The following CDCA5 variants were observed in gnomAD, a reference collection of about 807,000 sequenced individuals.
CDCA5 encodes the protein cell division cycle associated 5.
A neutral mutation model predicts 25.7 loss-of-function variants in CDCA5; 14 were observed. The observed-to-expected ratio is 0.54, with a 90% confidence interval of 0.36 to 0.85. The LOEUF is 0.85. Ranked by LOEUF, CDCA5 falls within the 40% of genes least tolerant of loss-of-function variation. The probability of loss-of-function intolerance (pLI) is 0.01; values close to 1 mark genes in which losing one functional copy is unlikely to be tolerated. For synonymous variants in CDCA5, 127 were observed against 128.7 expected, an observed-to-expected ratio of 0.99 and a Z score of 0.09; for missense variants, 307 against 324.5, an observed-to-expected ratio of 0.95 and a Z score of 0.41.
At chr11:65,068,667 G>C in intron 1 of CDCA5, 2 of 1,066,076 alleles carry the variant, frequency 1.9e-6, no homozygotes, top group Non-Finnish European at 2.5e-6. Flanking sequence ...TTCTAGCCTG[G>C]TCTGGTTTTT....
At chr11:65,069,235 CAAAAA>C (rs538955897) in intron 1 of CDCA5, among the ~76,000 whole-genome samples, 1 of 85,928 alleles carries the variant, frequency 1.2e-5, no homozygotes. Context: ...GCGAGACTCT[CAAAAA>C]AAAAAAAAAA....
Position 65,069,410 on chromosome 11 carries a change from C to G in CDCA5, c.64-809G>C, listed in dbSNP as rs562596774. Among the ~76,000 whole-genome samples the G allele has an allele frequency of 2.2e-5, 3 of 134,912 alleles. No individual in the cohort carries two copies. In the East Asian group the frequency reaches 6.8e-4, roughly 31 times the overall value. 88.5% of individuals were successfully genotyped at this position (134,912 alleles called of 152,430 possible). A position where few individuals can be genotyped will look rare whatever the true frequency, so the allele number is the denominator to read the frequency against. ...TGGACTTGTGGCAGGGGGCTTGTGGCCTGGGCTTGTGGCTGTGTTATATTG... is the reference window on the plus strand; with the variant it reads ...TGGACTTGTGGCAGGGGGCTTGTGGGCTGGGCTTGTGGCTGTGTTATATTG... On this transcript the variant is annotated intron_variant, in intron 1 of 6. Coordinates refer to the CDCA5 transcript ENST00000525464.
chr11:65,069,538 C>T (rs527601625), intron 1 of CDCA5, among the ~76,000 whole-genome samples: 3 of 152,254 alleles, frequency 2.0e-5, no homozygotes, highest in Admixed American at 6.5e-5. Context: ...AGAGCTCCAG[C>T]GTGGTATGGC....
downstream of CDCA5, among the ~76,000 whole-genome samples, chr11:65,063,620 AT>A (rs1248140479): frequency 6.6e-6 from 1 of 152,200 alleles, no homozygotes; most frequent in Non-Finnish European, 1.5e-5. Context: ...TCACGAAGCT[AT>A]CCCACCTGCC....
chr11:65,080,758 G>A (rs1186288587), intron 4 of CDCA5, among the ~76,000 whole-genome samples: 1 of 152,172 alleles, frequency 6.6e-6, no homozygotes, highest in Non-Finnish European at 1.5e-5. Context: ...TCAGTCACCT[G>A]TCCTGTGCCA....
chr11:65,067,979 G>T, intron 3 of CDCA5: 1 of 1,212,590 alleles, frequency 8.2e-7, no homozygotes, highest in Non-Finnish European at 1.1e-6. Context: ...GCCTGCATGT[G>T]CCTGCATGGG....
intron 3 of CDCA5, chr11:65,067,951 T>TC (rs1356426076): frequency 5.8e-6 from 6 of 1,042,696 alleles, no homozygotes; most frequent in African/African-American, 1.6e-5. Context: ...ACCATCCACC[T>TC]CCCCCAGTTT....
exon 4 of CDCA5, chr11:65,067,679 C>T (rs1179482569): frequency 1.4e-5 from 18 of 1,289,798 alleles, no homozygotes; most frequent in Non-Finnish European, 1.6e-5. Context: ...CTGCAACTGC[C>T]TGATCTCCTT....
chr11:65,075,936 T>A (rs1947435815), downstream of CDCA5, among the ~76,000 whole-genome samples: 1 of 152,152 alleles, frequency 6.6e-6, no homozygotes, highest in South Asian at 2.1e-4. Flanking sequence ...AAAGAGGGTG[T>A]CCTGGCAGAG....
chr11:65,065,370 C>T (rs1234225157), downstream of CDCA5, among the ~76,000 whole-genome samples: 5 of 152,130 alleles, frequency 3.3e-5, no homozygotes, highest in Admixed American at 3.3e-4. Flanking sequence ...GCGCTGAAAC[C>T]TCAGCCTCCC....
intron 4 of CDCA5, among the ~76,000 whole-genome samples, chr11:65,080,847 G>A (rs1367554983): frequency 6.6e-6 from 1 of 152,222 alleles, no homozygotes; most frequent in East Asian, 1.9e-4. Context: ...AGAAAATTCA[G>A]TATTATGTTA....
At chr11:65,080,957 C>G (rs1947552498) in intron 4 of CDCA5, among the ~76,000 whole-genome samples, 1 of 152,188 alleles carries the variant, frequency 6.6e-6, no homozygotes, top group African/African-American at 2.4e-5. Context: ...ACTGAGGTGA[C>G]ATTCAAGCTA....
At chr11:65,073,580 C>T (rs1947382856), downstream of CDCA5, among the ~76,000 whole-genome samples, 1 of 152,218 alleles carries the variant, frequency 6.6e-6, no homozygotes, top group African/African-American at 2.4e-5. Context: ...AGCTCGCAGC[C>T]TGCGGTGGGT....
chr11:65,064,491 C>T (rs998831855), downstream of CDCA5, among the ~76,000 whole-genome samples: 4 of 151,566 alleles, frequency 2.6e-5, no homozygotes, highest in Non-Finnish European at 5.9e-5. Context: ...TGGGACCATG[C>T]TGATGACTGC....
At chr11:65,071,136 G>GT (rs1196410267) in intron 1 of CDCA5, among the ~76,000 whole-genome samples, 8 of 151,460 alleles carry the variant, frequency 5.3e-5, no homozygotes, top group Non-Finnish European at 1.0e-4. Flanking sequence ...TAGAGACGGG[G>GT]TTTCACCGTG....
rs1249380193 is a variant in CDCA5, at chr11:65,079,713, G to T, written c.318C>A (p.His106Gln). Residue 106 changes from histidine to glutamine, a missense_variant, in exon 5 of 6, where the codon CAC becomes CAA. Coordinates refer to ENST00000275517, the MANE Select transcript of CDCA5 (RefSeq NM_080668.4). Reference protein sequence around the residue: ...ELTKEDLFKTHSVPATPTSTP... With the variant: ...ELTKEDLFKTQSVPATPTSTP... Reference sequence around the variant, plus strand: ...TGCTGGTGGGGGTGGCAGGGACGCTGTGTGTCTTGAAAAGGTCCTCCTTAG... The same window carrying T: ...TGCTGGTGGGGGTGGCAGGGACGCTTTGTGTCTTGAAAAGGTCCTCCTTAG... The T allele has an allele frequency of 3.2e-6, 5 of 1,551,990 alleles. No individual in the cohort carries two copies. The East Asian group carries it at 1.1e-4, about 36-fold the overall frequency.
rs750342876 is a variant in CDCA5, at chr11:65,079,567, G to A, written c.464C>T (p.Ala155Val). The change falls in exon 5 of 6, where the codon GCC (alanine) becomes GTC (valine). Residue 155 changes from alanine to valine, a missense_variant. Coordinates refer to ENST00000275517, the MANE Select transcript of CDCA5 (RefSeq NM_080668.4). Reference protein sequence around the residue: ...SYSRLETLGSASTSTPGRRSC... With the variant: ...SYSRLETLGSVSTSTPGRRSC... ...CCGGCGGCCTGGGGTGGAGGTAGAG[G>A]CAGAGCCCAGGGTCTCCAGCCGGCT... 1.9e-6 allele frequency: 3 copies of A among 1,614,072 alleles called. No homozygotes were observed. The highest frequency in any genetic ancestry group is 1.7e-5 in the Admixed American group (1 of 60,020).
In CDCA5 at chr11:65,078,042, T is replaced by C. The variant is rs1947481138; in HGVS notation, c.*1065A>G. The C allele has an allele frequency of 4.1e-6, 4 of 985,278 alleles. No homozygotes were observed. Among genetic ancestry groups the C allele is most frequent in the Non-Finnish European group, 4.8e-6 (4 of 829,938 alleles). The allele number at this position is 985,278 out of a possible 1,614,324, so 61.0% of individuals were successfully genotyped here. On this transcript the variant is annotated 3_prime_UTR_variant, in exon 6 of 6. Transcript: ENST00000275517. ...GAGATCATGAGATGCATCCAGGCAG[T>C]GTTCTCATGTGAGAGGATAGGGAGG... is the stretch of plus-strand genomic sequence containing the variant.
In CDCA5 at chr11:65,083,549, G is replaced by A. The variant is rs756602663; in HGVS notation, c.143C>T (p.Thr48Ile). The change falls in exon 3 of 6, where the codon ACA becomes ATA. Residue 48 changes from threonine to isoleucine, a missense_variant and splice_region_variant. By Grantham distance (89) the Thr-to-Ile change is moderately conservative (BLOSUM62 -1). Coordinates refer to ENST00000275517, the MANE Select transcript of CDCA5 (RefSeq NM_080668.4). ...CTTTCTGACTGCAGCCGCACTGGGT[G>A]TCTGGAGAAGAGGGATGAACGTGAG... Reference protein sequence around the residue: ...PSILPEIWPKTPSAAAVRKPI... With the variant: ...PSILPEIWPKIPSAAAVRKPI... 32 of 1,614,106 alleles carry A rather than the reference G, an allele frequency of 2.0e-5. No homozygotes were observed. In the East Asian group the frequency reaches 6.9e-4, roughly 35 times the overall value.
Sources: gnomAD v4.1 joint callset for allele counts (sites outside exome capture counted in the v4.1 genomes callset) on GRCh38, gnomAD v4.1.1 for gene constraint, MANE v1.5 for transcripts, NCBI Gene and HGNC (gene_info 2026-07-23, HGNC 2026-07-21) for gene names.